The following CBLB variants were observed in gnomAD, a reference collection of about 807,000 sequenced individuals.
CBLB encodes Cbl proto-oncogene B.
A neutral mutation model predicts 104.9 loss-of-function variants in CBLB; 31 were observed. The observed-to-expected ratio is 0.30, with a 90% CI of 0.22 to 0.40. The LOEUF (loss-of-function observed/expected upper bound fraction) is 0.40, where lower values mean the gene tolerates loss of function less well. Among genes scored for constraint, CBLB ranks in the 10% least tolerant of loss-of-function variants. CBLB has a pLI of 1.00. For missense variants in CBLB, 1,062 were observed against 1,214.6 expected (o/e 0.87, Z 1.87); for synonymous variants, 440 against 422.6 (o/e 1.04, Z -0.51).
intron 8 of CBLB, among the ~76,000 whole-genome samples, chr3:105,736,301 G>C (rs1278838459): frequency 6.6e-6 from 1 of 151,644 alleles, no homozygotes; most frequent in Non-Finnish European, 1.5e-5. Flanking sequence ...GTGTTTTTTT[G>C]ATCTTTTAAA....
At chr3:105,735,370 C>T (rs1286076348) in intron 8 of CBLB, among the ~76,000 whole-genome samples, 1 of 152,052 alleles carries the variant, frequency 6.6e-6, no homozygotes, top group African/African-American at 2.4e-5. Flanking sequence ...TTGCTGATGT[C>T]CCTGAAATAA....
At chr3:105,775,026 T>C (rs907664976) in intron 4 of CBLB, among the ~76,000 whole-genome samples, 34 of 152,168 alleles carry the variant, frequency 2.2e-4, no homozygotes, top group African/African-American at 7.7e-4. Flanking sequence ...CTTTCTACAA[T>C]TAATAAATAT....
chr3:105,799,746 T>C, intron 3 of CBLB, among the ~76,000 whole-genome samples: 1 of 152,130 alleles, frequency 6.6e-6, no homozygotes. Flanking sequence ...AATAGTGACA[T>C]GGAGTTAATC....
intron 16 of CBLB, among the ~76,000 whole-genome samples, chr3:105,679,846 A>G (rs1040068430): frequency 2.6e-5 from 4 of 151,910 alleles, no homozygotes; most frequent in African/African-American, 9.7e-5. Flanking sequence ...CTTTAATCAT[A>G]TTTTTCTTAT....
chr3:105,862,899 C>T lies in CBLB; in HGVS notation c.168+4511G>A, dbSNP rs191010722. 1.5e-3 allele frequency among the ~76,000 whole-genome samples: 231 copies of T among 152,238 alleles called. 1 individual carries two copies. The highest frequency in any genetic ancestry group is 5.3e-3 in the African/African-American group (220 of 41,552). The stretch of plus-strand genomic sequence containing the variant: ...ACACCAACTTTTCACCCTTAGCAAG[C>T]AACGGTTCACCTCTACCACGTACTA... On this transcript the variant is annotated intron_variant, in intron 2 of 18. Transcript: ENST00000394030.
intron 14 of CBLB, among the ~76,000 whole-genome samples, chr3:105,682,349 A>G (rs2066415093): frequency 6.6e-6 from 1 of 152,212 alleles, no homozygotes; most frequent in Admixed American, 6.5e-5. Context: ...TCAAAGAACT[A>G]GAGCCTGTGG....
chr3:105,770,093 T>C (rs1209317241), intron 4 of CBLB, among the ~76,000 whole-genome samples: 1 of 152,104 alleles, frequency 6.6e-6, no homozygotes, highest in Non-Finnish European at 1.5e-5. Context: ...TTTTTTTTTT[T>C]TTTTCAAGAT....
chr3:105,661,988 G>C (rs1393692020), intron 18 of CBLB, among the ~76,000 whole-genome samples: 1 of 152,108 alleles, frequency 6.6e-6, no homozygotes, highest in African/African-American at 2.4e-5. Context: ...AAGTGTGAAA[G>C]AACAAAGAAC....
intron 3 of CBLB, among the ~76,000 whole-genome samples, chr3:105,849,894 G>A (rs1435495645): frequency 6.6e-6 from 1 of 152,104 alleles, no homozygotes; most frequent in Non-Finnish European, 1.5e-5. Context: ...GAAATACAAT[G>A]TGAAAAATAA....
chr3:105,737,517 A>C (rs2075081837), intron 7 of CBLB, among the ~76,000 whole-genome samples: 1 of 152,106 alleles, frequency 6.6e-6, no homozygotes, highest in Non-Finnish European at 1.5e-5. Context: ...AATACCTTTA[A>C]TATATGTCTC....
chr3:105,767,411 T>C (rs3772515), intron 4 of CBLB, among the ~76,000 whole-genome samples: 38,423 of 151,890 alleles, frequency 0.25, 5,080 homozygotes, highest in Non-Finnish European at 0.28. Context: ...AGGCCCTTAT[T>C]GCTTTTGCAG....
intron 3 of CBLB, among the ~76,000 whole-genome samples, chr3:105,851,380 G>T (rs2090933404): frequency 6.6e-6 from 1 of 152,244 alleles, no homozygotes; most frequent in Non-Finnish European, 1.5e-5. Flanking sequence ...GGTTCAGGGG[G>T]GGAAGTGAGA....
intron 3 of CBLB, among the ~76,000 whole-genome samples, chr3:105,791,504 A>C (rs1440288604): frequency 6.6e-6 from 1 of 152,228 alleles, no homozygotes; most frequent in Non-Finnish European, 1.5e-5. Context: ...TATTATCAAT[A>C]ACCAATCAAA....
chr3:105,848,252 C>T (rs1193456939), intron 3 of CBLB, among the ~76,000 whole-genome samples: 2 of 152,024 alleles, frequency 1.3e-5, no homozygotes, highest in African/African-American at 2.4e-5. Context: ...CTGTATCAGT[C>T]GGGGGAGGCA....
chr3:105,841,400 T>C (rs1446901343), intron 3 of CBLB, among the ~76,000 whole-genome samples: 1 of 151,980 alleles, frequency 6.6e-6, no homozygotes, highest in Non-Finnish European at 1.5e-5. Context: ...AATATACATA[T>C]TAGATATATC....
At chr3:105,838,635 A>T (rs1243134741) in intron 3 of CBLB, among the ~76,000 whole-genome samples, 3 of 151,748 alleles carry the variant, frequency 2.0e-5, no homozygotes, top group Non-Finnish European at 4.4e-5. Flanking sequence ...TTTTCCAACA[A>T]AACTTTAAAA....
chr3:105,830,094 C>T (rs1360907431), intron 3 of CBLB, among the ~76,000 whole-genome samples: 1 of 152,170 alleles, frequency 6.6e-6, no homozygotes, highest in Admixed American at 6.6e-5. Flanking sequence ...AGAGTTATCA[C>T]ACTTTCTACC....
intron 9 of CBLB, among the ~76,000 whole-genome samples, chr3:105,733,033 C>A (rs548915339): frequency 3.2e-4 from 49 of 152,244 alleles, no homozygotes; most frequent in African/African-American, 1.2e-3. Context: ...GTCCAAAGAT[C>A]CATTTTAAAA....
intron 12 of CBLB, among the ~76,000 whole-genome samples, chr3:105,696,101 C>CAT (rs1039670319): frequency 2.0e-5 from 3 of 151,272 alleles, no homozygotes; most frequent in Admixed American, 1.3e-4. Flanking sequence ...CACACACACA[C>CAT]ATATATATAA....
Sources: gnomAD v4.1 joint callset for allele counts (sites outside exome capture counted in the v4.1 genomes callset) on GRCh38, gnomAD v4.1.1 for gene constraint, MANE v1.5 for transcripts, NCBI Gene and HGNC (gene_info 2026-07-23, HGNC 2026-07-21) for gene names.